The following ADAMTS18 variants were observed in gnomAD, a reference collection of about 807,000 sequenced individuals.
The protein encoded by ADAMTS18 is A disintegrin and metalloproteinase with thrombospondin motifs 18.
Under a neutral mutation model 165.9 loss-of-function variants are expected in ADAMTS18, and 157 were observed. The ratio of observed to expected loss-of-function variants is 0.95; its 90% confidence interval spans 0.83 to 1.08. The LOEUF is 1.08. Ranked by LOEUF, ADAMTS18 falls within the 50% of genes least tolerant of loss-of-function variation. The pLI is 0.00. For missense variants in ADAMTS18, 2,040 were observed against 1,534.0 expected (o/e 1.33, Z -5.51); for synonymous variants, 782 against 578.2 (o/e 1.35, Z -5.06).
In ADAMTS18 at chr16:77,291,127, C is replaced by G. The variant is rs543626073; in HGVS notation, c.3402+139G>C. 365 of 922,052 alleles carry G rather than the reference C, an allele frequency of 4.0e-4. No homozygotes were observed. The African/African-American group carries it at 5.6e-3, about 14-fold the overall frequency. The allele number at this position is 922,052 out of a possible 1,614,324, so 57.1% of individuals were successfully genotyped here. On this transcript the variant is annotated intron_variant, in intron 21 of 22. Coordinates refer to ENST00000282849, the MANE Select transcript of ADAMTS18 (RefSeq NM_199355.4). ...CCTGCCCAGGGCCAAAGAACAAAACCCATTCTGCCTTCAGAACTTGAGCCC... is the reference window on the plus strand; with the variant it reads ...CCTGCCCAGGGCCAAAGAACAAAACGCATTCTGCCTTCAGAACTTGAGCCC...
chr16:77,290,045 A>AAATGGAT (rs1363625433), intron 21 of ADAMTS18, among the ~76,000 whole-genome samples: 3 of 152,214 alleles, frequency 2.0e-5, no homozygotes, highest in East Asian at 3.8e-4. Flanking sequence ...GTAGCCCTTT[A>AAATGGAT]AATGGATTTT....
intron 16 of ADAMTS18, among the ~76,000 whole-genome samples, chr16:77,317,871 T>C (rs1233159755): frequency 6.6e-6 from 1 of 152,148 alleles, no homozygotes; most frequent in Non-Finnish European, 1.5e-5. Flanking sequence ...AGATGATAAA[T>C]TGAGTGCTTC....
intron 3 of ADAMTS18, among the ~76,000 whole-genome samples, chr16:77,425,791 C>G (rs2057664047): frequency 6.6e-6 from 1 of 152,048 alleles, no homozygotes. Context: ...ACCTGTAATT[C>G]TGGCACTTTG....
chr16:77,406,540 G>A (rs4887906), intron 3 of ADAMTS18, among the ~76,000 whole-genome samples: 79,866 of 151,824 alleles, frequency 0.53, 22,060 homozygotes, highest in Non-Finnish European at 0.63. Flanking sequence ...GGAAGGGGAG[G>A]ACTGTCATTA....
chr16:77,415,743 T>G (rs1395919768), intron 3 of ADAMTS18, among the ~76,000 whole-genome samples: 1 of 60,104 alleles, frequency 1.7e-5, no homozygotes, highest in Non-Finnish European at 4.4e-5. Flanking sequence ...AAAAAAAAAA[T>G]CAGAGGTGGC....
intron 4 of ADAMTS18, among the ~76,000 whole-genome samples, chr16:77,365,076 A>T (rs1017576295): frequency 1.3e-5 from 2 of 152,188 alleles, no homozygotes; most frequent in African/African-American, 4.8e-5. Flanking sequence ...ACTGCAGTCC[A>T]TAAGGAAGTC....
At chr16:77,418,453 C>A (rs2144842956) in intron 3 of ADAMTS18, among the ~76,000 whole-genome samples, 1 of 152,206 alleles carries the variant, frequency 6.6e-6, no homozygotes, top group East Asian at 1.9e-4. Context: ...CTACTGGAAT[C>A]TAAAGGGTAG....
chr16:77,317,609 A>G (rs2055911386), intron 16 of ADAMTS18, among the ~76,000 whole-genome samples: 1 of 152,152 alleles, frequency 6.6e-6, no homozygotes, highest in African/African-American at 2.4e-5. Context: ...ATGTGTGGAC[A>G]TTTTCACTAT....
intron 12 of ADAMTS18, among the ~76,000 whole-genome samples, chr16:77,331,759 A>C (rs78465144): frequency 0.021 from 3,166 of 152,252 alleles, 110 homozygotes; most frequent in African/African-American, 0.072. Flanking sequence ...CAAATCTCCA[A>C]AACAAAGAAT....
At chr16:77,317,421 C>T (rs927618422) in intron 16 of ADAMTS18, among the ~76,000 whole-genome samples, 2 of 152,110 alleles carry the variant, frequency 1.3e-5, no homozygotes, top group African/African-American at 4.8e-5. Flanking sequence ...GCAACCTGTG[C>T]CTCCCAGGTT....
Position 77,356,002 on chromosome 16 carries a change from G to C in ADAMTS18, c.1398C>G (p.Thr466=). The change falls in exon 9 of 23, where the codon ACC becomes ACG. Residue 466 remains threonine, a synonymous_variant. Transcript: ENST00000282849. ...AEGNIMSPTL[T]GNNGVFSWSS... ...ACCATGAAAACACTCCATTGTTTCCGGTCAGTGTGGGAGACATGATATTGC... is the reference window on the plus strand; with the variant it reads ...ACCATGAAAACACTCCATTGTTTCCCGTCAGTGTGGGAGACATGATATTGC... 1 of 1,614,034 alleles carries C rather than the reference G, an allele frequency of 6.2e-7. No individual in the cohort carries two copies. The highest frequency in any genetic ancestry group is 8.5e-7 in the Non-Finnish European group (1 of 1,179,968).
chr16:77,389,343 T>G (rs893163923), intron 3 of ADAMTS18, among the ~76,000 whole-genome samples: 1 of 152,110 alleles, frequency 6.6e-6, no homozygotes, highest in Non-Finnish European at 1.5e-5. Context: ...ATGATCTAAT[T>G]CCACAAAATG....
intron 12 of ADAMTS18, among the ~76,000 whole-genome samples, chr16:77,330,052 A>G (rs1398505409): frequency 1.3e-5 from 2 of 152,162 alleles, no homozygotes; most frequent in African/African-American, 4.8e-5. Context: ...CACTTTCTCA[A>G]TAAGAATATG....
chr16:77,320,169 G>A lies in ADAMTS18; in HGVS notation c.2288-76C>T, dbSNP rs1310731444. On this transcript the variant is annotated intron_variant, in intron 15 of 22. Coordinates refer to ENST00000282849, the MANE Select transcript of ADAMTS18 (RefSeq NM_199355.4). ...AAAGGGACTAGAAATGGCCCGACAT[G>A]TAGTGTTCAGTTTTATAGAGTGAGG... 9 of 1,559,636 alleles carry A rather than the reference G, an allele frequency of 5.8e-6. No homozygotes were observed. In the African/African-American group the frequency reaches 6.8e-5, roughly 12 times the overall value.
At chr16:77,374,680 T>C (rs1198083140) in intron 3 of ADAMTS18, among the ~76,000 whole-genome samples, 1 of 152,216 alleles carries the variant, frequency 6.6e-6, no homozygotes, top group Non-Finnish European at 1.5e-5. Context: ...GTTTGGAAGC[T>C]TTCTATTTTC....
chr16:77,312,148 A>G (rs564365240), intron 16 of ADAMTS18, among the ~76,000 whole-genome samples: 3 of 152,166 alleles, frequency 2.0e-5, no homozygotes, highest in Non-Finnish European at 4.4e-5. Flanking sequence ...ATTATTTACA[A>G]AGAGATAGAT....
At chr16:77,333,053 C>T (rs1224316335) in intron 12 of ADAMTS18, among the ~76,000 whole-genome samples, 1 of 152,088 alleles carries the variant, frequency 6.6e-6, no homozygotes, top group African/African-American at 2.4e-5. Context: ...TTCTGTTCTA[C>T]GATAGCACAA....
In ADAMTS18 at chr16:77,385,671, T is replaced by C. The variant is rs534757826; in HGVS notation, c.496-17948A>G. Among the ~76,000 whole-genome samples the C allele has an allele frequency of 2.6e-5, 4 of 152,196 alleles. No homozygotes were observed. The South Asian group carries it at 8.3e-4, about 32-fold the overall frequency. On this transcript the variant is annotated intron_variant, in intron 3 of 22. Transcript: ENST00000282849. Reference sequence around the variant, plus strand: ...TCTAGGAATCAGCTGTTAAGAGATGTGATTAAGTACGCTACGTGGCATCAA... The same window carrying C: ...TCTAGGAATCAGCTGTTAAGAGATGCGATTAAGTACGCTACGTGGCATCAA...
chr16:77,417,137 C>A (rs2144840453), intron 3 of ADAMTS18, among the ~76,000 whole-genome samples: 1 of 95,210 alleles, frequency 1.1e-5, no homozygotes, highest in African/African-American at 3.3e-5. Context: ...ACTGCTCACC[C>A]TCACATTGAA....
Sources: allele counts gnomAD v4.1 joint callset (sites outside exome capture counted in the v4.1 genomes callset), GRCh38; gene constraint gnomAD v4.1.1; transcripts MANE v1.5; gene names NCBI Gene and HGNC (gene_info 2026-07-23, HGNC 2026-07-21).